Variants in UBAC2 observed in about 807,000 individuals in gnomAD.
UBAC2 encodes the protein ubiquitin-associated domain-containing protein 2.
A neutral mutation model predicts 44.0 loss-of-function variants in UBAC2; 26 were observed. The ratio of observed to expected loss-of-function variants is 0.59; its 90% CI spans 0.43 to 0.82. UBAC2 has a LOEUF of 0.82. UBAC2 is among the 40% of genes least tolerant of loss of function. The pLI, the probability that UBAC2 is intolerant of heterozygous loss-of-function variation, is 0.00. For missense variants in UBAC2, 329 were observed against 419.4 expected, an observed-to-expected ratio of 0.78 and a Z score of 1.88; for synonymous variants, 155 against 154.3, an observed-to-expected ratio of 1.00 and a Z score of -0.04.
At chr13:99,247,204 T>TTTTTTG (rs1555322894) in intron 4 of UBAC2, among the ~76,000 whole-genome samples, 9 of 95,578 alleles carry the variant, frequency 9.4e-5, no homozygotes, top group East Asian at 5.5e-4. Flanking sequence ...TGTTTTTTTT[T>TTTTTTG]TTTTGTTTTG....
intron 4 of UBAC2, among the ~76,000 whole-genome samples, chr13:99,251,892 C>T (rs546173238): frequency 5.9e-5 from 9 of 152,268 alleles, no homozygotes; most frequent in Non-Finnish European, 1.2e-4. Flanking sequence ...AGGTCTCTTA[C>T]GCCAAGCTTC....
At chr13:99,287,628 C>G (rs1203252508) in intron 4 of UBAC2, among the ~76,000 whole-genome samples, 1 of 126,982 alleles carries the variant, frequency 7.9e-6, no homozygotes, top group Non-Finnish European at 1.7e-5. Context: ...TTTCTTTCTT[C>G]TTTTTTTTTT....
intron 6 of UBAC2, among the ~76,000 whole-genome samples, chr13:99,327,684 TGAG>T (rs1366489508): frequency 2.0e-5 from 3 of 152,232 alleles, no homozygotes; most frequent in Non-Finnish European, 4.4e-5. Flanking sequence ...TATTGATAGC[TGAG>T]AACATTTTCA....
At chr13:99,357,302 A>G (rs911943263) in intron 7 of UBAC2, among the ~76,000 whole-genome samples, 1 of 152,166 alleles carries the variant, frequency 6.6e-6, no homozygotes, top group Non-Finnish European at 1.5e-5. Context: ...CCAACAGCAC[A>G]TTTCTCAGAA....
At chr13:99,239,359 C>G (rs1342883118) in intron 2 of UBAC2, among the ~76,000 whole-genome samples, 1 of 152,226 alleles carries the variant, frequency 6.6e-6, no homozygotes, top group Admixed American at 6.5e-5. Context: ...ACCCCGGACA[C>G]ACATTAGAAT....
chr13:99,335,008 G>A (rs1333342008), intron 6 of UBAC2, among the ~76,000 whole-genome samples: 1 of 152,208 alleles, frequency 6.6e-6, no homozygotes, highest in African/African-American at 2.4e-5. Context: ...ACTTCTCTAT[G>A]AGTATTACTA....
chr13:99,369,938 C>T (rs1190406849), intron 8 of UBAC2, among the ~76,000 whole-genome samples: 1 of 152,110 alleles, frequency 6.6e-6, no homozygotes, highest in Non-Finnish European at 1.5e-5. Context: ...GGTCTATGTT[C>T]TTCAAAAATA....
intron 4 of UBAC2, among the ~76,000 whole-genome samples, chr13:99,302,476 CT>C (rs1288164469): frequency 6.6e-6 from 1 of 152,240 alleles, no homozygotes; most frequent in East Asian, 1.9e-4. Flanking sequence ...TTCATTACTT[CT>C]TCCTCTGGTT....
chr13:99,326,123 A>G (rs1379944929), intron 6 of UBAC2, among the ~76,000 whole-genome samples: 4 of 152,184 alleles, frequency 2.6e-5, no homozygotes, highest in Non-Finnish European at 4.4e-5. Context: ...ACTGTTTTCC[A>G]TAGTTGCATC....
chr13:99,344,207 C>G (rs1027064972), intron 7 of UBAC2, among the ~76,000 whole-genome samples: 2 of 152,178 alleles, frequency 1.3e-5, no homozygotes, highest in Admixed American at 1.3e-4. Context: ...GGAGTGCTTG[C>G]TTGTCCAGGG....
chr13:99,379,349 C>G (rs969779982), intron 8 of UBAC2, among the ~76,000 whole-genome samples: 2 of 152,240 alleles, frequency 1.3e-5, no homozygotes, highest in African/African-American at 2.4e-5. Context: ...TAGACTTGTT[C>G]TGGCATCAGA....
intron 6 of UBAC2, among the ~76,000 whole-genome samples, chr13:99,336,051 C>G (rs1489231543): frequency 8.6e-5 from 13 of 150,944 alleles, no homozygotes; most frequent in Non-Finnish European, 1.9e-4. Context: ...TACATTTTTG[C>G]CAGTTGCTGT....
At chr13:99,344,503 T>C (rs2044942600) in intron 7 of UBAC2, among the ~76,000 whole-genome samples, 1 of 152,240 alleles carries the variant, frequency 6.6e-6, no homozygotes, top group African/African-American at 2.4e-5. Context: ...GTGTATTTCA[T>C]TTAAAATACA....
chr13:99,277,528 A>AAAAT (rs1033184482), intron 4 of UBAC2, among the ~76,000 whole-genome samples: 9 of 152,246 alleles, frequency 5.9e-5, no homozygotes, highest in Admixed American at 1.3e-4. Context: ...TCCATCTCAA[A>AAAAT]AAATAAATAA....
intron 4 of UBAC2, among the ~76,000 whole-genome samples, chr13:99,304,842 C>G (rs906918106): frequency 6.6e-6 from 1 of 152,164 alleles, no homozygotes; most frequent in Non-Finnish European, 1.5e-5. Context: ...CATTTTATCT[C>G]CTATTTCCGA....
intron 4 of UBAC2, among the ~76,000 whole-genome samples, chr13:99,298,855 A>C (rs2044215360): frequency 6.6e-6 from 1 of 152,248 alleles, no homozygotes; most frequent in Non-Finnish European, 1.5e-5. Flanking sequence ...CAAGGGTTGC[A>C]GCTTTGGAAT....
At chr13:99,233,372 A>G (rs2043197878) in intron 1 of UBAC2, among the ~76,000 whole-genome samples, 1 of 152,148 alleles carries the variant, frequency 6.6e-6, no homozygotes, top group Non-Finnish European at 1.5e-5. Context: ...CGGTCTCCCA[A>G]AGTGCTGGGA....
intron 7 of UBAC2, among the ~76,000 whole-genome samples, chr13:99,365,109 G>A (rs1014072303): frequency 2.6e-5 from 4 of 152,070 alleles, no homozygotes; most frequent in African/African-American, 9.7e-5. Flanking sequence ...CAAAGTTATT[G>A]GTATGAATAA....
intron 7 of UBAC2, among the ~76,000 whole-genome samples, chr13:99,360,212 C>A (rs138883833): frequency 1.8e-3 from 280 of 152,260 alleles, no homozygotes; most frequent in Middle Eastern, 0.01. Context: ...TCCATCACAG[C>A]CCTCCAGGAT....
Sources: gnomAD v4.1 joint callset for allele counts (sites outside exome capture counted in the v4.1 genomes callset) on GRCh38, gnomAD v4.1.1 for gene constraint, MANE v1.5 for transcripts, NCBI Gene and HGNC (gene_info 2026-07-23, HGNC 2026-07-21) for gene names.